AURKA: variants seen among roughly 807,000 people sequenced by gnomAD.
The protein encoded by AURKA is aurora kinase A.
A neutral mutation model predicts 40.9 loss-of-function variants in AURKA; 12 were observed. The observed-to-expected ratio is 0.29, with a 90% CI of 0.19 to 0.48. The LOEUF is 0.48. AURKA is among the 20% of genes least tolerant of loss of function. The probability of loss-of-function intolerance (pLI) is 0.99; values close to 1 mark genes in which losing one functional copy is unlikely to be tolerated. For synonymous variants in AURKA, 170 were observed against 164.3 expected, an observed-to-expected ratio of 1.03 and a Z score of -0.26; for missense variants, 322 against 462.1, an observed-to-expected ratio of 0.70 and a Z score of 2.78.
chr20:56,385,661 A>G (rs573464434), intron 3 of AURKA, among the ~76,000 whole-genome samples: 2 of 151,906 alleles, frequency 1.3e-5, no homozygotes, highest in South Asian at 4.2e-4. Flanking sequence ...GGGTTTCTCC[A>G]TGTTGGTCAG....
intron 6 of AURKA, among the ~76,000 whole-genome samples, chr20:56,381,040 C>A (rs1224477770): frequency 6.6e-6 from 1 of 151,778 alleles, no homozygotes; most frequent in Non-Finnish European, 1.5e-5. Flanking sequence ...CCCAGCTACT[C>A]GGGAGGCTGA....
In AURKA at chr20:56,370,188, T is replaced by C; in HGVS notation, c.1182A>G (p.Gln394=). 1 of 1,613,176 alleles carries C rather than the reference T, an allele frequency of 6.2e-7. No homozygotes were observed. Among genetic ancestry groups the C allele is most frequent in the Non-Finnish European group, 8.5e-7 (1 of 1,180,006 alleles). ...TANSSKPSNC[Q]NKESASKQS ...ACTGTTTGCTAGCTGATTCTTTGTT[T>C]TGGCAATTTGATGGTTTTGATGAAT... The change falls in exon 9 of 9, where the codon CAA becomes CAG. Residue 394 remains glutamine (Q), a synonymous_variant. Transcript: ENST00000395915.
chr20:56,385,127 C>T (rs375376047), intron 3 of AURKA, among the ~76,000 whole-genome samples: 27 of 152,196 alleles, frequency 1.8e-4, no homozygotes, highest in African/African-American at 6.3e-4. Context: ...GAGTCTGCAT[C>T]GTAAATGAGC....
intron 5 of AURKA, among the ~76,000 whole-genome samples, chr20:56,382,481 C>T (rs1985842578): frequency 1.3e-5 from 2 of 152,180 alleles, no homozygotes; most frequent in South Asian, 2.1e-4. Context: ...ACCCACCAGC[C>T]GTAGTCAACC....
chr20:56,381,497 G>T lies in AURKA; in HGVS notation c.641C>A (p.Pro214Gln). 1 of 1,613,846 alleles carries T rather than the reference G, an allele frequency of 6.2e-7. No homozygotes were observed. Among genetic ancestry groups the T allele is most frequent in the Non-Finnish European group, 8.5e-7 (1 of 1,179,886 alleles). The stretch of plus-strand genomic sequence containing the variant: ...AAGTTCTCTATAAACTGTTCCAAGT[G>T]GTGCATATTCCAGAATTAGGTAGAC... ...TRVYLILEYA[P>Q]LGTVYRELQK... is the part of the protein sequence containing the mutation. The change falls in exon 6 of 9, where the codon CCA (proline) becomes CAA (glutamine). Residue 214 changes from proline to glutamine, a missense_variant. Physicochemically the swap from Pro to Gln is moderately conservative, Grantham distance 76 (BLOSUM62 -1). Transcript: ENST00000395915.
At chr20:56,371,068 A>G (rs1984103891) in intron 7 of AURKA, among the ~76,000 whole-genome samples, 1 of 152,228 alleles carries the variant, frequency 6.6e-6, no homozygotes, top group Non-Finnish European at 1.5e-5. Flanking sequence ...CCACTGTAAC[A>G]GCACTGGGGT....
At chr20:56,386,089 TG>T (rs1369970428) in intron 3 of AURKA, among the ~76,000 whole-genome samples, 167 bp downstream of exon 3, 1 of 152,246 alleles carries the variant, frequency 6.6e-6, no homozygotes, top group Non-Finnish European at 1.5e-5. Flanking sequence ...AGCATAGGTC[TG>T]GCCCATGGGC....
chr20:56,371,360 G>A (rs1051239695), intron 7 of AURKA, among the ~76,000 whole-genome samples: 1 of 151,828 alleles, frequency 6.6e-6, no homozygotes, highest in Non-Finnish European at 1.5e-5. Flanking sequence ...TACTCAGGAG[G>A]CTGAGGCAGA....
intron 1 of AURKA, among the ~76,000 whole-genome samples, chr20:56,389,923 T>C (rs2146219635): frequency 6.6e-6 from 1 of 152,266 alleles, no homozygotes; most frequent in Admixed American, 6.5e-5. Context: ...CATTATTCTC[T>C]CTCCCTTGAG....
chr20:56,370,741 T>A, intron 7 of AURKA, 82 bp from the exon 8 acceptor site: 1 of 1,485,598 alleles, frequency 6.7e-7, no homozygotes, highest in South Asian at 1.2e-5. Flanking sequence ...AAGAGTCCAC[T>A]AACACTGAGG....
At chr20:56,372,998 C>T (rs1569045203) in intron 7 of AURKA, among the ~76,000 whole-genome samples, 1 of 152,212 alleles carries the variant, frequency 6.6e-6, no homozygotes, top group South Asian at 2.1e-4. Context: ...ATGGCCTGCA[C>T]TCTGAGCTCT....
At position 56,369,948 on chromosome 20, in the gene AURKA, C is replaced by G; in HGVS notation, c.*210G>C. On this transcript the variant is annotated 3_prime_UTR_variant, in exon 9 of 9. Coordinates refer to ENST00000395915, the MANE Select transcript of AURKA (RefSeq NM_198437.3). Reference sequence around the variant, plus strand: ...GAACCAGTATAAGTAGCACAATTCTCGTGGCTACTTTCACTTCAGAGTGTC... The same window carrying G: ...GAACCAGTATAAGTAGCACAATTCTGGTGGCTACTTTCACTTCAGAGTGTC... 1.5e-6 allele frequency: 1 copy of G among 667,096 alleles called. No homozygotes were observed. The highest frequency in any genetic ancestry group is 1.7e-5 in the South Asian group (1 of 58,330). 41.3% of individuals were successfully genotyped at this position (667,096 alleles called of 1,614,324 possible). A position where few individuals can be genotyped will look rare whatever the true frequency, so the allele number is the denominator to read the frequency against.
chr20:56,388,853 T>A (rs1395114371), intron 1 of AURKA: 3 of 152,720 alleles, frequency 2.0e-5, no homozygotes, highest in African/African-American at 7.2e-5. Flanking sequence ...TATTCTATTA[T>A]CGTTGCTAAC....
At chr20:56,371,761 T>C (rs1272850085) in intron 7 of AURKA, among the ~76,000 whole-genome samples, 2 of 152,054 alleles carry the variant, frequency 1.3e-5, no homozygotes, top group African/African-American at 4.8e-5. Flanking sequence ...TCATGGACAA[T>C]AGGAGAAATC....
At chr20:56,371,401 T>TA (rs1984188296) in intron 7 of AURKA, among the ~76,000 whole-genome samples, 1 of 150,150 alleles carries the variant, frequency 6.7e-6, no homozygotes, top group South Asian at 2.1e-4. Flanking sequence ...GGCGAGCTTG[T>TA]AGTGAGCCAA....
intron 3 of AURKA, among the ~76,000 whole-genome samples, chr20:56,385,748 A>G (rs979093614): frequency 6.6e-6 from 1 of 152,218 alleles, no homozygotes; most frequent in African/African-American, 2.4e-5. Flanking sequence ...GGCGTGAGCC[A>G]CTGCGCCTGG....
At chr20:56,378,812 A>G (rs1041891211) in intron 6 of AURKA, among the ~76,000 whole-genome samples, 8 of 152,228 alleles carry the variant, frequency 5.3e-5, no homozygotes, top group African/African-American at 1.9e-4. Flanking sequence ...TATGATTCCA[A>G]TTACATGATA....
At chr20:56,380,577 A>T (rs1339973404) in intron 6 of AURKA, among the ~76,000 whole-genome samples, 1 of 152,028 alleles carries the variant, frequency 6.6e-6, no homozygotes, top group Non-Finnish European at 1.5e-5. Context: ...TCCACTCTCT[A>T]CTCCTTAAGT....
At position 56,383,034 on chromosome 20, in the gene AURKA, C is replaced by T. The variant is rs370497957; in HGVS notation, c.517G>A (p.Gly173Arg). 36 of 1,614,064 alleles carry T rather than the reference C, an allele frequency of 2.2e-5. 1 individual carries two copies. The highest frequency in any genetic ancestry group is 1.2e-4 in the African/African-American group (9 of 74,920). The change falls in exon 5 of 9, where the codon GGA becomes AGA. Residue 173 changes from glycine to arginine, a missense_variant. By Grantham distance (125) the Gly-to-Arg change is moderately radical. Coordinates refer to ENST00000395915, the MANE Select transcript of AURKA (RefSeq NM_198437.3). ...TCTCTTCTGAGCTGATGCTCCACTC[C>T]GGCTTTCTCCAGCTGAGCTTTAAAT... The part of the protein sequence containing the change: ...VLFKAQLEKA[G>R]VEHQLRREVE...
Sources: gnomAD v4.1 joint callset for allele counts (sites outside exome capture counted in the v4.1 genomes callset) on GRCh38, gnomAD v4.1.1 for gene constraint, MANE v1.5 for transcripts, NCBI Gene and HGNC (gene_info 2026-07-23, HGNC 2026-07-21) for gene names.